Variants in CBFB observed in about 807,000 individuals in gnomAD.
CBFB encodes the protein CBF-beta.
CBFB carries 9 observed loss-of-function variants against 30.4 expected under a neutral mutation model. The observed-to-expected ratio is 0.30, with a 90% CI of 0.18 to 0.52. The LOEUF is 0.52. CBFB is among the 20% of genes least tolerant of loss of function. The probability of loss-of-function intolerance (pLI) is 0.97; values close to 1 mark genes in which losing one functional copy is unlikely to be tolerated. For synonymous variants in CBFB, 94 were observed against 84.0 expected (o/e 1.12, Z -0.65); for missense variants, 170 against 244.0 (o/e 0.70, Z 2.02).
chr16:67,047,069 T>C (rs1302943648), intron 3 of CBFB, among the ~76,000 whole-genome samples: 1 of 151,818 alleles, frequency 6.6e-6, no homozygotes. Flanking sequence ...CCCAGCACTT[T>C]AGGAGGCCAA....
At position 67,065,141 on chromosome 16, in the gene CBFB, C is replaced by T. The variant is rs557820685; in HGVS notation, c.283-1541C>T. On this transcript the variant is annotated intron_variant, in intron 3 of 5. Coordinates refer to ENST00000412916, the MANE Select transcript of CBFB (RefSeq NM_022845.3). Reference sequence around the variant, plus strand: ...CTGAAACTCCTGACTTCAAGTGATCCGCCCAACTTGGCCTCCCAAAGTGCC... The same window carrying T: ...CTGAAACTCCTGACTTCAAGTGATCTGCCCAACTTGGCCTCCCAAAGTGCC... Among the ~76,000 whole-genome samples the T allele has an allele frequency of 7.2e-5, 11 of 152,276 alleles. No individual in the cohort carries two copies. The South Asian group carries it at 1.9e-3, about 26-fold the overall frequency.
At chr16:67,088,635 G>T (rs1961793850) in intron 5 of CBFB, among the ~76,000 whole-genome samples, 4 of 152,330 alleles carry the variant, frequency 2.6e-5, no homozygotes, top group Admixed American at 2.6e-4. Context: ...AAAGGCTGAG[G>T]CAGAAAAGAA....
At chr16:67,080,514 AAG>A (rs1961526970) in intron 4 of CBFB, among the ~76,000 whole-genome samples, 1 of 152,218 alleles carries the variant, frequency 6.6e-6, no homozygotes, top group South Asian at 2.1e-4. Flanking sequence ...GAGACCAAAA[AAG>A]AGTAGAGAAG....
chr16:67,072,369 A>C (rs1961247921), intron 4 of CBFB, among the ~76,000 whole-genome samples: 1 of 152,164 alleles, frequency 6.6e-6, no homozygotes, highest in South Asian at 2.1e-4. Flanking sequence ...CTTAGTCTTG[A>C]TATTTATTCA....
At chr16:67,085,005 C>CT (rs1358446185) in intron 5 of CBFB, among the ~76,000 whole-genome samples, 2 of 152,152 alleles carry the variant, frequency 1.3e-5, no homozygotes, top group East Asian at 3.8e-4. Flanking sequence ...GTATGTGCCA[C>CT]TGACTAGGTG....
chr16:67,081,366 G>A (rs951249013), intron 4 of CBFB, among the ~76,000 whole-genome samples: 1 of 151,896 alleles, frequency 6.6e-6, no homozygotes, highest in Non-Finnish European at 1.5e-5. Flanking sequence ...ACATGCACAC[G>A]TATGTTTATT....
intron 3 of CBFB, among the ~76,000 whole-genome samples, chr16:67,050,194 A>G (rs1407232260): frequency 6.8e-6 from 1 of 148,034 alleles, no homozygotes; most frequent in African/African-American, 2.5e-5. Flanking sequence ...TGATATATAT[A>G]ATATATGTTA....
At chr16:67,087,044 A>T (rs544399431) in intron 5 of CBFB, among the ~76,000 whole-genome samples, 1 of 152,230 alleles carries the variant, frequency 6.6e-6, no homozygotes, top group South Asian at 2.1e-4. Context: ...GGCATGGAGG[A>T]GTAAGGAGGA....
At chr16:67,069,809 A>G (rs968861078) in intron 4 of CBFB, among the ~76,000 whole-genome samples, 3 of 152,222 alleles carry the variant, frequency 2.0e-5, no homozygotes, top group Admixed American at 2.0e-4. Flanking sequence ...GTGGGATGAC[A>G]TATTAAAAGC....
intron 5 of CBFB, among the ~76,000 whole-genome samples, chr16:67,089,696 C>T (rs1043016617): frequency 2.6e-5 from 4 of 152,086 alleles, no homozygotes; most frequent in South Asian, 4.1e-4. Flanking sequence ...GGTGTTTTTA[C>T]GGAACCCAGT....
rs575866876 is a variant in CBFB at position 67,077,947 on chromosome 16, G to A, written c.400-4266G>A. ...CCCACCTGGCTACGTTGTGCAGGTT[G>A]TGGTATAGACTTTGGAGTAACAGAC... On this transcript the variant is annotated intron_variant, in intron 4 of 5. Transcript: ENST00000412916. Among the ~76,000 whole-genome samples, 28 of 152,318 alleles carry A rather than the reference G, an allele frequency of 1.8e-4. No homozygotes were observed. The South Asian group carries it at 5.2e-3, about 28-fold the overall frequency.
intron 4 of CBFB, among the ~76,000 whole-genome samples, chr16:67,070,188 T>G (rs1376883618): frequency 6.6e-6 from 1 of 152,214 alleles, no homozygotes; most frequent in African/African-American, 2.4e-5. Context: ...ATCAAAAAAT[T>G]AAAACTTTCT....
chr16:67,065,827 A>G (rs913818961), intron 3 of CBFB, among the ~76,000 whole-genome samples: 4 of 152,250 alleles, frequency 2.6e-5, no homozygotes, highest in Non-Finnish European at 5.9e-5. Context: ...TACTATATTT[A>G]AAAGACTGAT....
intron 4 of CBFB, among the ~76,000 whole-genome samples, chr16:67,072,367 TGA>T (rs1221818262): frequency 6.6e-6 from 1 of 152,244 alleles, no homozygotes; most frequent in Non-Finnish European, 1.5e-5. Context: ...TACTTAGTCT[TGA>T]TATTTATTCA....
intron 3 of CBFB, among the ~76,000 whole-genome samples, chr16:67,051,894 CAT>C (rs767172091): frequency 7.6e-5 from 11 of 144,408 alleles, no homozygotes; most frequent in South Asian, 2.2e-4. Flanking sequence ...GGATTACAGG[CAT>C]ATATATATAT....
chr16:67,053,628 C>A (rs75099388), intron 3 of CBFB, among the ~76,000 whole-genome samples: 1 of 151,924 alleles, frequency 6.6e-6, no homozygotes, highest in Non-Finnish European at 1.5e-5. Flanking sequence ...CCGGATTCAG[C>A]TTCCCTGTGA....
At position 67,061,594 on chromosome 16, in the gene CBFB, A is replaced by G. The variant is rs151230193; in HGVS notation, c.283-5088A>G. Among the ~76,000 whole-genome samples, 22 of 152,364 alleles carry G rather than the reference A, an allele frequency of 1.4e-4. No individual in the cohort carries two copies. In the East Asian group the frequency reaches 4.2e-3, roughly 29 times the overall value. ...ATACTTTGAAGTTTGGTATTCATGAATACATGAAAGCACCAAACATTTACT... is the reference window on the plus strand; with the variant it reads ...ATACTTTGAAGTTTGGTATTCATGAGTACATGAAAGCACCAAACATTTACT... On this transcript the variant is annotated intron_variant, in intron 3 of 5. Coordinates refer to ENST00000412916, the MANE Select transcript of CBFB (RefSeq NM_022845.3).
Position 67,082,231 on chromosome 16 carries a change from C to A in CBFB, c.418C>A (p.Gln140Lys), listed in dbSNP as rs2145771496. ...CTGACAGCAGGAGGATGCATTAGCA[C>A]AACAGGCCTTTGAAGAGGCTCGGAG... ...ERAQQEDALAQQAFEEARRRT... is the reference protein window; with the variant it reads ...ERAQQEDALAKQAFEEARRRT... Residue 140 changes from glutamine to lysine, a missense_variant, in exon 5 of 6, where the codon CAA becomes AAA. By Grantham distance (53) the Gln-to-Lys change is moderately conservative. Coordinates refer to ENST00000412916, the MANE Select transcript of CBFB (RefSeq NM_022845.3). 6.2e-7 allele frequency: 1 copy of A among 1,605,536 alleles called. No individual in the cohort carries two copies. The highest frequency in any genetic ancestry group is 2.2e-5 in the East Asian group (1 of 44,784).
At chr16:67,062,770 G>C (rs1475281262) in intron 3 of CBFB, among the ~76,000 whole-genome samples, 1 of 151,968 alleles carries the variant, frequency 6.6e-6, no homozygotes. Flanking sequence ...TTCAGCCTGG[G>C]AGACAGAGTG....
Sources: gnomAD v4.1 joint callset for allele counts (sites outside exome capture counted in the v4.1 genomes callset) on GRCh38, gnomAD v4.1.1 for gene constraint, MANE v1.5 for transcripts, NCBI Gene and HGNC (gene_info 2026-07-23, HGNC 2026-07-21) for gene names.